The following C12orf42 variants were observed in gnomAD, a reference collection of about 807,000 sequenced individuals.
The protein encoded by C12orf42 is chromosome 12 open reading frame 42.
In C12orf42, 25 loss-of-function variants were observed where a neutral mutation model predicts 21.6. The observed-to-expected ratio is 1.16, with a 90% confidence interval of 0.84 to 1.62. C12orf42 has a LOEUF of 1.62. Among genes scored for constraint, C12orf42 ranks in the 40% most tolerant of loss-of-function variants. The probability of loss-of-function intolerance (pLI) is 0.00; values close to 1 mark genes in which losing one functional copy is unlikely to be tolerated. For synonymous variants in C12orf42, 174 were observed against 175.0 expected (o/e 0.99, Z 0.05); for missense variants, 483 against 459.3 (o/e 1.05, Z -0.47).
chr12:103,515,578 TA>T, the C12orf42 span, among the ~76,000 whole-genome samples: 3 of 152,220 alleles, frequency 2.0e-5, no homozygotes, highest in Admixed American at 6.5e-5. Context: ...CTTGAAAAGC[TA>T]AATCCCTCAG....
chr12:103,540,301 C>T, the C12orf42 span, among the ~76,000 whole-genome samples: 5 of 152,166 alleles, frequency 3.3e-5, no homozygotes, highest in Non-Finnish European at 5.9e-5. Context: ...CTACCGCGCC[C>T]GGCCGAGGTC....
At chr12:103,516,762 A>G in the C12orf42 span, among the ~76,000 whole-genome samples, 1 of 152,234 alleles carries the variant, frequency 6.6e-6, no homozygotes, top group East Asian at 1.9e-4. Context: ...GCCAAACCAT[A>G]TCAAACATGC....
chr12:103,249,389 T>C (rs1209430500), intron 10 of C12orf42, among the ~76,000 whole-genome samples: 4 of 152,028 alleles, frequency 2.6e-5, no homozygotes, highest in African/African-American at 9.7e-5. Context: ...AATAATATGC[T>C]ACCATGAGTC....
chr12:103,232,606 G>C (rs970193271), downstream of C12orf42, among the ~76,000 whole-genome samples: 21 of 151,692 alleles, frequency 1.4e-4, no homozygotes, highest in African/African-American at 5.1e-4. Context: ...AGCTACTCAG[G>C]AGGCTGAGGC....
chr12:103,089,044 G>A, the C12orf42 span, among the ~76,000 whole-genome samples: 1 of 141,750 alleles, frequency 7.1e-6, no homozygotes, highest in Admixed American at 7.7e-5. Context: ...GGAGCTTGCA[G>A]TGAGCTGAGA....
At chr12:103,473,810 A>G (rs928731946) in intron 2 of C12orf42, among the ~76,000 whole-genome samples, 3 of 152,202 alleles carry the variant, frequency 2.0e-5, no homozygotes, top group Non-Finnish European at 4.4e-5. Context: ...TTGTATAATT[A>G]TCTTTCCCCA....
intron 2 of C12orf42, among the ~76,000 whole-genome samples, chr12:103,433,584 G>A (rs777724273): frequency 6.6e-6 from 1 of 152,146 alleles, no homozygotes. Flanking sequence ...AGAAGAACAA[G>A]TTAAAGACAC....
At position 103,302,205 on chromosome 12, in the gene C12orf42, T is replaced by C. The variant is rs751997932; in HGVS notation, c.986A>G (p.Lys329Arg). The C allele has an allele frequency of 1.9e-6, 3 of 1,612,118 alleles. No individual in the cohort carries two copies. The African/African-American group carries it at 4.0e-5, about 22-fold the overall frequency. Residue 329 changes from lysine to arginine, a missense_variant, in exon 6 of 6, where the codon AAG (lysine) becomes AGG (arginine). Physicochemically the swap from Lys to Arg is conservative, Grantham distance 26 (BLOSUM62 2). Coordinates refer to ENST00000548883, the MANE Select transcript of C12orf42 (RefSeq NM_198521.5). The stretch of plus-strand genomic sequence containing the variant: ...GCGGGGGGGTGCTGAGGAGCAAACC[T>C]TTATTAACCTCTTGGAGGGGAAATG... ...STHFPSKRLI[K>R]VCSSAPPRPT...
chr12:103,421,800 G>A (rs192372757), intron 2 of C12orf42, among the ~76,000 whole-genome samples: 4 of 152,220 alleles, frequency 2.6e-5, no homozygotes. Flanking sequence ...AAGTGTGTGT[G>A]CAAAAGATAC....
At chr12:103,430,618 T>C (rs1172483699) in intron 2 of C12orf42, among the ~76,000 whole-genome samples, 2 of 152,240 alleles carry the variant, frequency 1.3e-5, no homozygotes, top group Non-Finnish European at 2.9e-5. Context: ...ACTGGGTATA[T>C]ACCCAAAGGA....
chr12:103,149,068 AC>A, the C12orf42 span, among the ~76,000 whole-genome samples: 1 of 152,190 alleles, frequency 6.6e-6, no homozygotes, highest in Non-Finnish European at 1.5e-5. Context: ...CACATACCCA[AC>A]TACTTGATAC....
chr12:103,350,953 C>A (rs2043053755), intron 4 of C12orf42, among the ~76,000 whole-genome samples: 2 of 151,888 alleles, frequency 1.3e-5, no homozygotes, highest in South Asian at 2.1e-4. Flanking sequence ...ATAACTAGGT[C>A]CTTGCTTTTC....
the C12orf42 span, among the ~76,000 whole-genome samples, chr12:103,167,641 C>T: frequency 6.6e-6 from 1 of 152,108 alleles, no homozygotes; most frequent in East Asian, 1.9e-4. Flanking sequence ...TCTCCTCTTG[C>T]ATTTCTTCCA....
chr12:103,260,696 T>C (rs1159908360), intron 10 of C12orf42, among the ~76,000 whole-genome samples: 1 of 152,208 alleles, frequency 6.6e-6, no homozygotes, highest in African/African-American at 2.4e-5. Context: ...CAAAAAGATC[T>C]TCAGAGCGAT....
chr12:103,216,874 G>A, the C12orf42 span, among the ~76,000 whole-genome samples: 9 of 151,696 alleles, frequency 5.9e-5, no homozygotes, highest in African/African-American at 1.5e-4. Context: ...ATGGAGTCCC[G>A]CTCTGTGGCC....
chr12:103,278,999 T>C (rs1231765647), intron 4 of C12orf42, among the ~76,000 whole-genome samples: 1 of 152,202 alleles, frequency 6.6e-6, no homozygotes, highest in Non-Finnish European at 1.5e-5. Context: ...CTGGCTTATT[T>C]CACTTAACAT....
chr12:103,561,954 A>G, the C12orf42 span, among the ~76,000 whole-genome samples: 6 of 152,334 alleles, frequency 3.9e-5, no homozygotes, highest in East Asian at 1.2e-3. Flanking sequence ...TCTGTGCCTT[A>G]CACAAATTTA....
the C12orf42 span, among the ~76,000 whole-genome samples, chr12:103,181,002 G>A: frequency 2.0e-5 from 3 of 152,026 alleles, no homozygotes; most frequent in African/African-American, 7.2e-5. Context: ...GGTGGGTCAC[G>A]CCTGTAATCC....
chr12:103,393,563 C>A (rs949317806), intron 3 of C12orf42, among the ~76,000 whole-genome samples: 18 of 152,130 alleles, frequency 1.2e-4, no homozygotes, highest in African/African-American at 4.1e-4. Flanking sequence ...TCAACAACAA[C>A]ACATGCTTCC....
Sources: gnomAD v4.1 joint callset for allele counts (sites outside exome capture counted in the v4.1 genomes callset) on GRCh38, gnomAD v4.1.1 for gene constraint, MANE v1.5 for transcripts, NCBI Gene and HGNC (gene_info 2026-07-23, HGNC 2026-07-21) for gene names.